The following KALRN variants were observed in gnomAD, a reference collection of about 807,000 sequenced individuals.
KALRN encodes kalirin RhoGEF kinase, also known as kalirin.
Under a neutral mutation model 353.7 loss-of-function variants are expected in KALRN, and 70 were observed. The ratio of observed to expected loss-of-function variants is 0.20; its 90% CI spans 0.16 to 0.24. The LOEUF is 0.24. Ranked by LOEUF, KALRN falls within the 10% of genes least tolerant of loss-of-function variation. KALRN has a pLI of 1.00. For missense variants in KALRN, 2,791 were observed against 3,756.7 expected (o/e 0.74, Z 6.72); for synonymous variants, 1,391 against 1,434.8 (o/e 0.97, Z 0.69).
Position 124,268,664 on chromosome 3 carries a change from G to A in KALRN, c.457-79G>A. ...GGTCATTATTATGTGGATTTATCTTGTCCTTTCCCTCATCCTATTTCTGCC... is the reference window on the plus strand; with the variant it reads ...GGTCATTATTATGTGGATTTATCTTATCCTTTCCCTCATCCTATTTCTGCC... On this transcript the variant is annotated intron_variant, in intron 4 of 59. Coordinates refer to ENST00000682506, the MANE Select transcript of KALRN (RefSeq NM_001388419.1). 4.9e-6 allele frequency: 7 copies of A among 1,441,644 alleles called. No homozygotes were observed. The South Asian group carries it at 7.4e-5, about 15-fold the overall frequency. The allele number at this position is 1,441,644 out of a possible 1,614,324, so 89.3% of individuals were successfully genotyped here.
intron 10 of KALRN, among the ~76,000 whole-genome samples, chr3:124,381,180 A>G (rs900116818): frequency 5.3e-5 from 8 of 152,202 alleles, no homozygotes; most frequent in Non-Finnish European, 1.0e-4. Flanking sequence ...AGAAGAAGCA[A>G]TGCCCTTGCT....
At chr3:124,593,677 C>T (rs930292652) in intron 34 of KALRN, among the ~76,000 whole-genome samples, 4 of 152,146 alleles carry the variant, frequency 2.6e-5, no homozygotes, top group Non-Finnish European at 5.9e-5. Context: ...TGGTTTGAGA[C>T]ATTGTAGAGG....
At chr3:124,067,950 CAT>C (rs1228903093) in intron 1 of KALRN, among the ~76,000 whole-genome samples, 2 of 152,240 alleles carry the variant, frequency 1.3e-5, no homozygotes, top group African/African-American at 4.8e-5. Flanking sequence ...ATGTACTGCA[CAT>C]GTTTCCTGAG....
chr3:124,202,574 C>A (rs577501511), intron 1 of KALRN, among the ~76,000 whole-genome samples: 1 of 151,968 alleles, frequency 6.6e-6, no homozygotes, highest in East Asian at 1.9e-4. Flanking sequence ...AATGAGAAGT[C>A]GGGTAACCTA....
rs1448411803 is a variant in KALRN at position 124,461,902 on chromosome 3, T to C, written c.3867T>C (p.Ala1289=). Residue 1289 remains alanine, a synonymous_variant, in exon 24 of 60, where the codon GCT becomes GCC. Coordinates refer to ENST00000682506, the MANE Select transcript of KALRN (RefSeq NM_001388419.1). ...KSARKKEFIM[A]ELLQTEKAYV... ...TGTTTCCTTCTAGATTTATTATGGC[T>C]GAACTACTCCAGACAGAGAAGGCTT... 6.2e-7 allele frequency: 1 copy of C among 1,613,050 alleles called. No individual in the cohort carries two copies. The highest frequency in any genetic ancestry group is 1.7e-5 in the Admixed American group (1 of 60,008).
intron 34 of KALRN, among the ~76,000 whole-genome samples, chr3:124,579,568 C>T (rs907555790): frequency 9.2e-5 from 14 of 152,022 alleles, no homozygotes; most frequent in African/African-American, 3.1e-4. Flanking sequence ...AATGTATAAG[C>T]GAGGGGCGGG....
intron 21 of KALRN, among the ~76,000 whole-genome samples, chr3:124,448,178 C>G (rs1457421700): frequency 6.6e-6 from 1 of 152,188 alleles, no homozygotes; most frequent in Non-Finnish European, 1.5e-5. Context: ...TTCAGTCAAT[C>G]TTATTCATCC....
At chr3:124,435,066 A>G (rs2093415562) in intron 17 of KALRN, among the ~76,000 whole-genome samples, 3 of 152,194 alleles carry the variant, frequency 2.0e-5, no homozygotes, top group African/African-American at 7.2e-5. Context: ...CTACCATACA[A>G]GTGCATTTCA....
At position 124,723,806 on chromosome 3, in the gene KALRN, G is replaced by T. The variant is rs187864903; in HGVS notation, c.*4336G>T. ...GAGTAAAATGCCCTTGAAAGCAACT[G>T]CTACCTTCCTTCTCAAGCTTTATGC... is the stretch of plus-strand genomic sequence containing the variant. On this transcript the variant is annotated 3_prime_UTR_variant, in exon 60 of 60. Coordinates refer to ENST00000682506, the MANE Select transcript of KALRN (RefSeq NM_001388419.1). 1.3e-5 allele frequency: 2 copies of T among 152,300 alleles called. No homozygotes were observed. Among genetic ancestry groups the T allele is most frequent in the Admixed American group, 6.5e-5 (1 of 15,294 alleles). 9.4% of individuals were successfully genotyped at this position (152,300 alleles called of 1,614,324 possible).
intron 1 of KALRN, chr3:124,096,646 C>T (rs1349256026): frequency 6.6e-6 from 1 of 152,168 alleles, no homozygotes; most frequent in African/African-American, 2.4e-5. Context: ...GCTCCATTGC[C>T]TTCTAAGTGC....
At chr3:124,514,886 T>G (rs1022633302) in intron 33 of KALRN, among the ~76,000 whole-genome samples, 28 of 152,206 alleles carry the variant, frequency 1.8e-4, no homozygotes, top group Admixed American at 6.5e-4. Context: ...GTATTGTCTG[T>G]TAATCACTCA....
chr3:124,564,851 G>A (rs1288046343), intron 34 of KALRN, among the ~76,000 whole-genome samples: 2 of 152,224 alleles, frequency 1.3e-5, no homozygotes, highest in African/African-American at 4.8e-5. Flanking sequence ...AAGTGGCAGA[G>A]GCCTTGCAGC....
chr3:124,513,715 A>G (rs1030107470), intron 33 of KALRN, among the ~76,000 whole-genome samples: 1 of 152,142 alleles, frequency 6.6e-6, no homozygotes, highest in African/African-American at 2.4e-5. Context: ...GAGCAGAGGG[A>G]AAAATGGCAA....
At chr3:124,227,218 A>C (rs2148483229) in intron 1 of KALRN, among the ~76,000 whole-genome samples, 1 of 152,286 alleles carries the variant, frequency 6.6e-6, no homozygotes, top group African/African-American at 2.4e-5. Context: ...CCCTAACAGG[A>C]ACTCAACTAG....
chr3:124,130,721 A>G (rs2065177216), intron 1 of KALRN, among the ~76,000 whole-genome samples: 1 of 152,228 alleles, frequency 6.6e-6, no homozygotes, highest in South Asian at 2.1e-4. Context: ...CAAACTGGAA[A>G]CAACCAAAAT....
Position 124,347,132 on chromosome 3 carries a change from T to C in KALRN, c.1648-11T>C, listed in dbSNP as rs879558324. The C allele has an allele frequency of 4.3e-6, 7 of 1,613,838 alleles. No individual in the cohort carries two copies. Among genetic ancestry groups the C allele is most frequent in the Non-Finnish European group, 5.9e-6 (7 of 1,179,914 alleles). On this transcript the variant is annotated splice_polypyrimidine_tract_variant and intron_variant, in intron 9 of 59. Transcript: ENST00000682506. ...AGAAAGTCATTGTTGCTGTTATCCT[T>C]CTTTGACCAGGTGTTGGACTGGATT...
rs1008286391 is a variant in KALRN, at chr3:124,294,650, A to G, written c.970-4141A>G. ...AGTGATTCTCCTGCCTCAGCCTCCC[A>G]AGTAGCTGGGATTACAGGCACCCAC... On this transcript the variant is annotated intron_variant, in intron 5 of 59. Transcript: ENST00000682506. Among the ~76,000 whole-genome samples the G allele has an allele frequency of 5.4e-5, 8 of 147,810 alleles. No homozygotes were observed. The Admixed American group carries it at 5.5e-4, about 10-fold the overall frequency.
At position 124,136,136 on chromosome 3, in the gene KALRN, T is replaced by A. The variant is rs1205561186; in HGVS notation, c.74-91854T>A. Among the ~76,000 whole-genome samples the A allele has an allele frequency of 4.6e-5, 7 of 152,310 alleles. No individual in the cohort carries two copies. The East Asian group carries it at 7.7e-4, about 17-fold the overall frequency. ...GATGGGGCCCAGACTGGTATTATTT[T>A]AAAAGCTCCCCAGCTTATTTTAATT... On this transcript the variant is annotated intron_variant, in intron 1 of 59. Transcript: ENST00000682506.
At chr3:124,456,775 T>A (rs1302697768) in intron 23 of KALRN, 47 bp downstream of exon 23, 1 of 1,355,294 alleles carries the variant, frequency 7.4e-7, no homozygotes, top group East Asian at 2.3e-5. Flanking sequence ...GTGACTATGC[T>A]GGGCTTTCAC....
Sources: gnomAD v4.1 joint callset for allele counts (sites outside exome capture counted in the v4.1 genomes callset) on GRCh38, gnomAD v4.1.1 for gene constraint, MANE v1.5 for transcripts, NCBI Gene and HGNC (gene_info 2026-07-23, HGNC 2026-07-21) for gene names.